MSI2: variants seen among roughly 807,000 people sequenced by gnomAD.
MSI2 encodes musashi RNA binding protein 2, also known as RNA-binding protein Musashi homolog 2.
MSI2 carries 17 observed loss-of-function variants against 45.6 expected under a neutral mutation model. The ratio of observed to expected loss-of-function variants is 0.37; its 90% CI spans 0.26 to 0.56. The LOEUF is 0.56. MSI2 is among the 20% of genes least tolerant of loss of function. MSI2 has a pLI of 0.77. For missense variants in MSI2, 293 were observed against 444.2 expected, an observed-to-expected ratio of 0.66 and a Z score of 3.06; for synonymous variants, 156 against 158.2, an observed-to-expected ratio of 0.99 and a Z score of 0.11.
chr17:57,324,630 A>G (rs1913634788), intron 5 of MSI2, among the ~76,000 whole-genome samples: 1 of 152,184 alleles, frequency 6.6e-6, no homozygotes, highest in Non-Finnish European at 1.5e-5. Context: ...TTTGTCTTTA[A>G]TAAGGGAGCA....
At chr17:57,415,013 G>C (rs2084267721) in intron 6 of MSI2, among the ~76,000 whole-genome samples, 1 of 152,140 alleles carries the variant, frequency 6.6e-6, no homozygotes, top group African/African-American at 2.4e-5. Context: ...TTCTGTCTTT[G>C]GTCTAAGAAA....
chr17:57,665,100 G>C (rs998322748), intron 11 of MSI2, among the ~76,000 whole-genome samples: 7 of 152,196 alleles, frequency 4.6e-5, no homozygotes, highest in African/African-American at 1.7e-4. Context: ...AGGTGGGGCT[G>C]GGATCTCTAG....
chr17:57,553,692 A>T (rs1361304733), intron 7 of MSI2, among the ~76,000 whole-genome samples: 1 of 152,186 alleles, frequency 6.6e-6, no homozygotes, highest in South Asian at 2.1e-4. Flanking sequence ...CGGGCAGCCC[A>T]GCTCATGTGC....
At position 57,596,109 on chromosome 17, in the gene MSI2, C is replaced by T. The variant is rs555689813; in HGVS notation, c.455-759C>T. ...CACAGATGGGGCCACATGCTGGAAA[C>T]GCTGTCGGAGGCGGGAGGAGAAGAA... is the stretch of plus-strand genomic sequence containing the variant. On this transcript the variant is annotated intron_variant, in intron 7 of 13. Coordinates refer to ENST00000284073, the MANE Select transcript of MSI2 (RefSeq NM_138962.4). The surrounding 1 kb of genome is among the most constrained non-coding windows in gnomAD (Gnocchi z 4.6). Among the ~76,000 whole-genome samples, 6 of 152,262 alleles carry T rather than the reference C, an allele frequency of 3.9e-5. No individual in the cohort carries two copies. The highest frequency in any genetic ancestry group is 5.9e-5 in the Non-Finnish European group (4 of 68,038).
intron 6 of MSI2, among the ~76,000 whole-genome samples, chr17:57,430,066 T>C (rs2084567112): frequency 6.6e-6 from 1 of 152,234 alleles, no homozygotes; most frequent in African/African-American, 2.4e-5. Context: ...CTCAATCCGA[T>C]GTTTATTTAA....
At chr17:57,442,256 C>CT (rs1198433531) in intron 6 of MSI2, among the ~76,000 whole-genome samples, 1 of 152,110 alleles carries the variant, frequency 6.6e-6, no homozygotes, top group Non-Finnish European at 1.5e-5. Flanking sequence ...AGGATGGTCT[C>CT]TATCTCTTGA....
At chr17:57,650,441 T>C (rs568440849) in intron 10 of MSI2, among the ~76,000 whole-genome samples, 1 of 152,292 alleles carries the variant, frequency 6.6e-6, no homozygotes, top group African/African-American at 2.4e-5. Flanking sequence ...GACCCTCATC[T>C]TCAGAAATCT....
chr17:57,585,481 G>C (rs1430551589), intron 7 of MSI2, among the ~76,000 whole-genome samples: 2 of 152,168 alleles, frequency 1.3e-5, no homozygotes, highest in African/African-American at 4.8e-5. Flanking sequence ...CCTGCTCAGA[G>C]TCATGCAGCC....
chr17:57,357,464 C>A (rs1389316720), intron 5 of MSI2, among the ~76,000 whole-genome samples: 1 of 152,188 alleles, frequency 6.6e-6, no homozygotes, highest in Non-Finnish European at 1.5e-5. Flanking sequence ...CACACAGACA[C>A]CTCCCCTCCC....
chr17:57,545,822 G>A (rs73991898), intron 7 of MSI2, among the ~76,000 whole-genome samples: 3,243 of 152,298 alleles, frequency 0.021, 129 homozygotes, highest in African/African-American at 0.074. Flanking sequence ...TGGCAGAGAA[G>A]GGGGTGTATA....
At chr17:57,404,153 A>G (rs2084042980) in intron 6 of MSI2, among the ~76,000 whole-genome samples, 1 of 152,102 alleles carries the variant, frequency 6.6e-6, no homozygotes, top group Admixed American at 6.5e-5. Flanking sequence ...GGGGGCTGGT[A>G]GTGGTATTCT....
chr17:57,344,921 G>C (rs184696890), intron 5 of MSI2, among the ~76,000 whole-genome samples: 2 of 151,488 alleles, frequency 1.3e-5, no homozygotes, highest in Admixed American at 1.3e-4. Context: ...AAATTAGCCG[G>C]GCATGGTGGC....
At chr17:57,548,136 G>A (rs564871425) in intron 7 of MSI2, among the ~76,000 whole-genome samples, 1 of 152,210 alleles carries the variant, frequency 6.6e-6, no homozygotes, top group East Asian at 1.9e-4. Flanking sequence ...AGGGGTTTGG[G>A]CTCACTGTGA....
downstream of MSI2, among the ~76,000 whole-genome samples, chr17:57,686,973 G>T (rs566545729): frequency 5.3e-5 from 8 of 150,982 alleles, no homozygotes; most frequent in East Asian, 1.4e-3. Flanking sequence ...TATATTCATG[G>T]AACATAAAAA....
At chr17:57,300,156 G>C (rs1911310754) in intron 5 of MSI2, among the ~76,000 whole-genome samples, 1 of 152,092 alleles carries the variant, frequency 6.6e-6, no homozygotes, top group Non-Finnish European at 1.5e-5. Flanking sequence ...ATGGGCAGAT[G>C]GCCTTTGGTG....
Position 57,389,916 on chromosome 17 carries a change from C to T in MSI2, c.313-11463C>T, listed in dbSNP as rs537341410. ...TTCTGCTCTTCTGTGGCTCTTCACC[C>T]CTCATGCTCAGGAAGGGTTTTAATG... On this transcript the variant is annotated intron_variant, in intron 5 of 13. Transcript: ENST00000284073. Among the ~76,000 whole-genome samples the T allele has an allele frequency of 2.6e-5, 4 of 152,104 alleles. No homozygotes were observed. The South Asian group carries it at 6.2e-4, about 24-fold the overall frequency.
intron 8 of MSI2, among the ~76,000 whole-genome samples, chr17:57,598,664 AT>A (rs397941341): frequency 0.094 from 13,624 of 145,418 alleles, 729 homozygotes; most frequent in Non-Finnish European, 0.13. Flanking sequence ...ACTACTTGCT[AT>A]TTTTTTTTTT....
intron 5 of MSI2, among the ~76,000 whole-genome samples, chr17:57,288,325 G>T (rs1035179500): frequency 2.0e-5 from 3 of 152,042 alleles, no homozygotes; most frequent in Non-Finnish European, 2.9e-5. Flanking sequence ...GGAGGAGGTC[G>T]TGCAGTTACC....
Position 57,282,862 on chromosome 17 carries a change from C to T in MSI2, c.312+20670C>T, listed in dbSNP as rs1369079137. 1.5e-4 allele frequency among the ~76,000 whole-genome samples: 8 copies of T among 53,678 alleles called. No homozygotes were observed. The Admixed American group carries it at 2.1e-3, about 14-fold the overall frequency. The allele number at this position is 53,678 out of a possible 152,430, so 35.2% of individuals were successfully genotyped here. ...TTTTTTTTTTTTCAGGGAACTCTGT[C>T]TCTAGAAGAGACTTGCCGTCAGGGC... On this transcript the variant is annotated intron_variant, in intron 5 of 13. Coordinates refer to ENST00000284073, the MANE Select transcript of MSI2 (RefSeq NM_138962.4).
Sources: gnomAD v4.1 joint callset for allele counts (sites outside exome capture counted in the v4.1 genomes callset) on GRCh38, gnomAD v4.1.1 for gene constraint, Gnocchi (gnomAD v3.1) non-coding constraint, MANE v1.5 for transcripts, NCBI Gene and HGNC (gene_info 2026-07-23, HGNC 2026-07-21) for gene names.